Variants in FGF12 observed in about 807,000 individuals in gnomAD.
FGF12 encodes the protein fibroblast growth factor 12B.
A neutral mutation model predicts 23.6 loss-of-function variants in FGF12; 14 were observed. The observed-to-expected ratio is 0.59, with a 90% confidence interval of 0.39 to 0.93. FGF12 has a LOEUF of 0.93. Among genes scored for constraint, FGF12 ranks in the 40% least tolerant of loss-of-function variants. FGF12 has a pLI of 0.00. For missense variants in FGF12, 175 were observed against 217.8 expected, an observed-to-expected ratio of 0.80 and a Z score of 1.24; for synonymous variants, 62 against 77.3, an observed-to-expected ratio of 0.80 and a Z score of 1.04.
At chr3:192,461,330 T>C (rs1246933690) in intron 2 of FGF12, among the ~76,000 whole-genome samples, 1 of 152,156 alleles carries the variant, frequency 6.6e-6, no homozygotes, top group African/African-American at 2.4e-5. Context: ...TGGAACACAT[T>C]TGCCTAATTT....
chr3:192,437,578 C>T (rs767342095), intron 2 of FGF12, among the ~76,000 whole-genome samples: 1 of 151,730 alleles, frequency 6.6e-6, no homozygotes, highest in Non-Finnish European at 1.5e-5. Flanking sequence ...TGTAATCCCA[C>T]CTACTCAGGA....
chr3:192,692,334 C>A (rs1325082954), intron 2 of FGF12, among the ~76,000 whole-genome samples: 1 of 152,130 alleles, frequency 6.6e-6, no homozygotes, highest in Non-Finnish European at 1.5e-5. Flanking sequence ...GTGAGATTAT[C>A]CCTGGGGAGC....
chr3:192,300,707 C>T (rs542915281), intron 4 of FGF12, among the ~76,000 whole-genome samples: 2 of 152,158 alleles, frequency 1.3e-5, no homozygotes, highest in Admixed American at 6.5e-5. Flanking sequence ...TGATCCATGG[C>T]ACAAAACGGT....
At chr3:192,211,717 G>A (rs551433758) in intron 4 of FGF12, among the ~76,000 whole-genome samples, 6 of 152,076 alleles carry the variant, frequency 3.9e-5, no homozygotes, top group South Asian at 2.1e-4. Flanking sequence ...GTGAGCCACC[G>A]TGACTGGCCT....
At chr3:192,725,732 T>C (rs1719190912) in intron 2 of FGF12, among the ~76,000 whole-genome samples, 1 of 152,216 alleles carries the variant, frequency 6.6e-6, no homozygotes, top group South Asian at 2.1e-4. Flanking sequence ...AAAAACTGTT[T>C]CATAGTAAAA....
chr3:192,705,887 T>C (rs1365724539), intron 2 of FGF12, among the ~76,000 whole-genome samples: 2 of 152,220 alleles, frequency 1.3e-5, no homozygotes, highest in Non-Finnish European at 2.9e-5. Context: ...TTATCTTAAC[T>C]ACAGTGATTA....
In FGF12 at chr3:192,246,163, T is replaced by C. The variant is rs530910781; in HGVS notation, c.229-75507A>G. ...ATGTTCCAATTCAAGGCAAGGCTCA[T>C]AAACTAAATGAATTTTAAAATTTAT... On this transcript the variant is annotated intron_variant, in intron 4 of 5. Coordinates refer to ENST00000445105, the MANE Select transcript of FGF12 (RefSeq NM_004113.6). 3.3e-5 allele frequency among the ~76,000 whole-genome samples: 5 copies of C among 152,268 alleles called. No individual in the cohort carries two copies. The East Asian group carries it at 9.6e-4, about 29-fold the overall frequency.
In FGF12 at chr3:192,185,171, G is replaced by A. The variant is rs539499188; in HGVS notation, c.229-14515C>T. On this transcript the variant is annotated intron_variant, in intron 4 of 5. Transcript: ENST00000445105. ...TCTTTCTCTTCTGACTCCCGTCATA[G>A]CTATTTATCTGTGGCTGTCTTAACA... 3.9e-5 allele frequency among the ~76,000 whole-genome samples: 6 copies of A among 152,172 alleles called. No individual in the cohort carries two copies. In the East Asian group the frequency reaches 1.2e-3, roughly 29 times the overall value.
intron 2 of FGF12, among the ~76,000 whole-genome samples, chr3:192,453,711 G>T (rs1722595858): frequency 6.6e-6 from 1 of 152,154 alleles, no homozygotes; most frequent in South Asian, 2.1e-4. Context: ...GGGGATGAGG[G>T]GATGTCTCTT....
rs1233843028 is a variant in FGF12 at position 192,726,431 on chromosome 3, T to A, written c.13+750A>T. ...GGTTAAATCCAAAAGATATCTAATC[T>A]TGTGGTTAGAATAGTCGTTGTGTTT... is the stretch of plus-strand genomic sequence containing the variant. On this transcript the variant is annotated intron_variant, in intron 2 of 5. Transcript: ENST00000445105. Among the ~76,000 whole-genome samples the A allele has an allele frequency of 1.3e-5, 2 of 152,206 alleles. 1 individual carries two copies. The highest frequency in any genetic ancestry group is 2.9e-5 in the Non-Finnish European group (2 of 68,040).
intron 2 of FGF12, among the ~76,000 whole-genome samples, chr3:192,561,689 C>T (rs553866960): frequency 6.6e-6 from 1 of 152,222 alleles, no homozygotes; most frequent in East Asian, 1.9e-4. Flanking sequence ...AGGATACAGA[C>T]CAACTGCAAC....
At chr3:192,261,423 C>T (rs1017755593) in intron 4 of FGF12, among the ~76,000 whole-genome samples, 1 of 152,192 alleles carries the variant, frequency 6.6e-6, no homozygotes, top group Non-Finnish European at 1.5e-5. Context: ...CCGTTTCCAA[C>T]CACAGGCTTC....
At chr3:192,281,620 C>T (rs1283661379) in intron 4 of FGF12, among the ~76,000 whole-genome samples, 1 of 152,084 alleles carries the variant, frequency 6.6e-6, no homozygotes, top group African/African-American at 2.4e-5. Flanking sequence ...CAGATGTCTC[C>T]ATGCTGCCGA....
intron 2 of FGF12, among the ~76,000 whole-genome samples, chr3:192,719,112 T>C (rs1318909312): frequency 6.6e-6 from 1 of 152,212 alleles, no homozygotes; most frequent in East Asian, 1.9e-4. Flanking sequence ...AGTAGTCTGT[T>C]AGATTAATAC....
intron 4 of FGF12, chr3:192,238,060 AT>A (rs1262137249): frequency 6.6e-6 from 1 of 152,052 alleles, no homozygotes; most frequent in Non-Finnish European, 1.5e-5. Flanking sequence ...GGTTTCATGG[AT>A]TGGTTTCAAT....
intron 2 of FGF12, among the ~76,000 whole-genome samples, chr3:192,540,999 ATCCCTTTATTTT>A (rs1725350472): frequency 6.6e-6 from 1 of 152,038 alleles, no homozygotes; most frequent in Admixed American, 6.6e-5. Context: ...ATATTTTTCC[ATCCCTTTATTTT>A]CAGTTTATGT....
chr3:192,342,884 C>CA (rs1251028106), intron 3 of FGF12, among the ~76,000 whole-genome samples: 1 of 152,064 alleles, frequency 6.6e-6, no homozygotes, highest in Non-Finnish European at 1.5e-5. Context: ...TCTACCTGTA[C>CA]ACACCATATT....
At chr3:192,191,922 G>T (rs1014610196) in intron 4 of FGF12, among the ~76,000 whole-genome samples, 4 of 152,018 alleles carry the variant, frequency 2.6e-5, no homozygotes, top group South Asian at 2.1e-4. Flanking sequence ...GTAGGGGAAA[G>T]GTTCCCCAGA....
At chr3:192,700,814 C>G (rs945969004) in intron 2 of FGF12, among the ~76,000 whole-genome samples, 1 of 152,174 alleles carries the variant, frequency 6.6e-6, no homozygotes, top group Admixed American at 6.5e-5. Context: ...AACATTCAAA[C>G]AGAGATCTTA....
Sources: gnomAD v4.1 joint callset for allele counts (sites outside exome capture counted in the v4.1 genomes callset) on GRCh38, gnomAD v4.1.1 for gene constraint, MANE v1.5 for transcripts, NCBI Gene and HGNC (gene_info 2026-07-23, HGNC 2026-07-21) for gene names.